Variants in DPEP2NB observed in about 807,000 individuals in gnomAD.
DPEP2NB encodes DPEP2 neighbor protein.
For synonymous variants in DPEP2NB, 35 were observed against 55.3 expected (o/e 0.63, Z 1.63); for missense variants, 117 against 151.8 (o/e 0.77, Z 1.21).
Position 68,013,935 on chromosome 16 carries a change from A to C in DPEP2NB, c.*173T>G. On this transcript the variant is annotated 3_prime_UTR_variant, in exon 2 of 2. Coordinates refer to ENST00000574912, the MANE Select transcript of DPEP2NB (RefSeq NM_001282442.2). The stretch of plus-strand genomic sequence containing the variant: ...AAAGCAACCTCTCATTTTAAACCAC[A>C]GTTTCTGAGGCTCCTTGGCCATGGG... The C allele has an allele frequency of 2.2e-6, 1 of 463,478 alleles. No individual in the cohort carries two copies. Among genetic ancestry groups the C allele is most frequent in the Non-Finnish European group, 3.5e-6 (1 of 286,606 alleles). 28.7% of individuals were successfully genotyped at this position (463,478 alleles called of 1,614,324 possible). A position where few individuals can be genotyped will look rare whatever the true frequency, so the allele number is the denominator to read the frequency against.
Position 68,014,263 on chromosome 16 carries a change from T to A in DPEP2NB, c.217A>T (p.Thr73Ser). The A allele has an allele frequency of 8.1e-7, 1 of 1,231,738 alleles. No homozygotes were observed. The highest frequency in any genetic ancestry group is 1.0e-6 in the Non-Finnish European group (1 of 988,004). 76.3% of individuals were successfully genotyped at this position (1,231,738 alleles called of 1,614,324 possible). Residue 73 changes from threonine (T) to serine (S), a missense_variant, in exon 2 of 2, where the codon ACA becomes TCA. Thr to Ser is a moderately conservative substitution (Grantham distance 58). Transcript: ENST00000574912. ...VHGDAPLATP[T>S]KAEAEKPAPR... ...GCTGGCTTCTCTGCTTCAGCCTTTG[T>A]TGGGGTGGCCAAAGGAGCATCCCCA...
chr16:68,013,804 A>G lies in DPEP2NB; in HGVS notation c.*304T>C. On this transcript the variant is annotated 3_prime_UTR_variant, in exon 2 of 2. Transcript: ENST00000574912. ...CCTCTCTGCACTTGACTCCTCGGCT[A>G]GCAGAGTGCAGACTATTTCTATCTT... The G allele has an allele frequency of 4.0e-6, 1 of 251,464 alleles. No individual in the cohort carries two copies. The highest frequency in any genetic ancestry group is 2.2e-5 in the African/African-American group (1 of 45,248). 15.6% of individuals were successfully genotyped at this position (251,464 alleles called of 1,614,324 possible).
Position 68,015,788 on chromosome 16 carries a change from A to G in DPEP2NB, c.-18T>C, listed in dbSNP as rs2033166349. On this transcript the variant is annotated 5_prime_UTR_variant, in exon 1 of 2. Transcript: ENST00000574912. The stretch of plus-strand genomic sequence containing the variant: ...TCAGTCATTCTCTCTCAGCCAACCA[A>G]ACAGATTGGTATCTTACAGAGAAAT... 2.5e-6 allele frequency: 3 copies of G among 1,212,732 alleles called. No individual in the cohort carries two copies. In the South Asian group the frequency reaches 1.3e-4, roughly 51 times the overall value. 75.1% of individuals were successfully genotyped at this position (1,212,732 alleles called of 1,614,324 possible).
chr16:68,014,014 A>G lies in DPEP2NB; in HGVS notation c.*94T>C. On this transcript the variant is annotated 3_prime_UTR_variant, in exon 2 of 2. Coordinates refer to ENST00000574912, the MANE Select transcript of DPEP2NB (RefSeq NM_001282442.2). ...GAGGAAGGCATAGGCAGAATGACTC[A>G]GGCTCTATCTGCAGTGGTGGGCAGG... is the stretch of plus-strand genomic sequence containing the variant. The G allele has an allele frequency of 1.0e-6, 1 of 986,146 alleles. No homozygotes were observed. The highest frequency in any genetic ancestry group is 1.3e-6 in the Non-Finnish European group (1 of 764,364). The allele number at this position is 986,146 out of a possible 1,614,324, so 61.1% of individuals were successfully genotyped here.
chr16:68,014,001 G>A lies in DPEP2NB; in HGVS notation c.*107C>T, dbSNP rs2033149932. On this transcript the variant is annotated 3_prime_UTR_variant, in exon 2 of 2. Coordinates refer to ENST00000574912, the MANE Select transcript of DPEP2NB (RefSeq NM_001282442.2). Reference sequence around the variant, plus strand: ...GGGGCTTCTGGATGAGGAAGGCATAGGCAGAATGACTCAGGCTCTATCTGC... The same window carrying A: ...GGGGCTTCTGGATGAGGAAGGCATAAGCAGAATGACTCAGGCTCTATCTGC... The A allele has an allele frequency of 1.1e-6, 1 of 877,744 alleles. No homozygotes were observed. The highest frequency in any genetic ancestry group is 1.5e-6 in the Non-Finnish European group (1 of 665,358). The allele number at this position is 877,744 out of a possible 1,614,324, so 54.4% of individuals were successfully genotyped here.
intron 1 of DPEP2NB, among the ~76,000 whole-genome samples, chr16:68,015,499 C>T (rs1189808352): frequency 1.3e-5 from 2 of 150,824 alleles, no homozygotes; most frequent in Non-Finnish European, 3.0e-5. Flanking sequence ...TTCTGAGCAC[C>T]TGCTCAGATG....
In DPEP2NB at chr16:68,013,889, G is replaced by T. The variant is rs766197059; in HGVS notation, c.*219C>A. 10 of 392,354 alleles carry T rather than the reference G, an allele frequency of 2.5e-5. No individual in the cohort carries two copies. Among genetic ancestry groups the T allele is most frequent in the Non-Finnish European group, 3.6e-5 (8 of 223,944 alleles). The allele number at this position is 392,354 out of a possible 1,614,324, so 24.3% of individuals were successfully genotyped here. A position where few individuals can be genotyped will look rare whatever the true frequency, so the allele number is the denominator to read the frequency against. On this transcript the variant is annotated 3_prime_UTR_variant, in exon 2 of 2. Coordinates refer to ENST00000574912, the MANE Select transcript of DPEP2NB (RefSeq NM_001282442.2). Reference sequence around the variant, plus strand: ...GGAACATCAGGTTTTCTTCCAGGCCGTCTTCAGCCTTGGGATGTTCAAAGC... The same window carrying T: ...GGAACATCAGGTTTTCTTCCAGGCCTTCTTCAGCCTTGGGATGTTCAAAGC...
At chr16:68,015,455 TAAAAAAAAAAAA>T (rs1220965509) in intron 1 of DPEP2NB, among the ~76,000 whole-genome samples, 27 of 80,494 alleles carry the variant, frequency 3.4e-4, no homozygotes, top group Non-Finnish European at 4.6e-4. Context: ...CCATCTCAAT[TAAAAAAAAAAAA>T]AAAAAAAAAA....
In DPEP2NB at chr16:68,014,335, C is replaced by G; in HGVS notation, c.145G>C (p.Gly49Arg). 1 of 1,231,816 alleles carries G rather than the reference C, an allele frequency of 8.1e-7. No individual in the cohort carries two copies. Among genetic ancestry groups the G allele is most frequent in the South Asian group, 4.1e-5 (1 of 24,322 alleles). The allele number at this position is 1,231,816 out of a possible 1,614,324, so 76.3% of individuals were successfully genotyped here. The change falls in exon 2 of 2, where the codon GGC becomes CGC. Residue 49 changes from glycine to arginine, a missense_variant. By Grantham distance (125) the Gly-to-Arg change is moderately radical. Coordinates refer to ENST00000574912, the MANE Select transcript of DPEP2NB (RefSeq NM_001282442.2). Reference protein sequence around the residue: ...LYRGCGETQVGWHGETYCLVG... With the variant: ...LYRGCGETQVRWHGETYCLVG... ...AGGCAGTACGTCTCCCCATGCCAGC[C>G]TACCTGAGTTTCTCCACACCCTCGG...
Position 68,014,361 on chromosome 16 carries a change from T to C in DPEP2NB, c.119A>G (p.Tyr40Cys), listed in dbSNP as rs2033153124. 2 of 1,231,636 alleles carry C rather than the reference T, an allele frequency of 1.6e-6. No individual in the cohort carries two copies. Among genetic ancestry groups the C allele is most frequent in the East Asian group, 6.3e-5 (2 of 31,724 alleles). 76.3% of individuals were successfully genotyped at this position (1,231,636 alleles called of 1,614,324 possible). The stretch of plus-strand genomic sequence containing the variant: ...TACCTGAGTTTCTCCACACCCTCGG[T>C]AGAGAACATGGTAGTGCCCAGGTGT... ...PPTPGHYHVL[Y>C]RGCGETQVGW... The change falls in exon 2 of 2, where the codon TAC becomes TGC. Residue 40 changes from tyrosine (Y) to cysteine (C), a missense_variant. Physicochemically the swap from Tyr to Cys is radical, Grantham distance 194 (BLOSUM62 -2). Coordinates refer to ENST00000574912, the MANE Select transcript of DPEP2NB (RefSeq NM_001282442.2).
Position 68,015,697 on chromosome 16 carries a change from T to G in DPEP2NB, c.67+7A>C. ...GCCTCCTGTATAGATGCCCCCTGTA[T>G]GCCTACCTGCTGCGCTGCCCTCCCA... On this transcript the variant is annotated splice_region_variant and intron_variant, in intron 1 of 1. Coordinates refer to ENST00000574912, the MANE Select transcript of DPEP2NB (RefSeq NM_001282442.2). The G allele has an allele frequency of 1.6e-6, 2 of 1,229,900 alleles. No homozygotes were observed. Among genetic ancestry groups the G allele is most frequent in the Non-Finnish European group, 2.0e-6 (2 of 986,362 alleles). 76.2% of individuals were successfully genotyped at this position (1,229,900 alleles called of 1,614,324 possible). A position where few individuals can be genotyped will look rare whatever the true frequency, so the allele number is the denominator to read the frequency against.
intron 1 of DPEP2NB, 145 bp from the exon 2 acceptor site, chr16:68,014,557 G>A: frequency 2.2e-6 from 1 of 464,782 alleles, no homozygotes; most frequent in Non-Finnish European, 3.5e-6. Context: ...ATGTGTCCCT[G>A]AGACAGGATG....
intron 1 of DPEP2NB, among the ~76,000 whole-genome samples, chr16:68,015,172 G>T (rs895698623): frequency 6.6e-6 from 1 of 151,636 alleles, no homozygotes; most frequent in Non-Finnish European, 1.5e-5. Flanking sequence ...TGGGCCGATC[G>T]CTTGAGCTCA....
Position 68,015,872 on chromosome 16 carries a change from A to C in DPEP2NB, c.-102T>G. ...GTCACGCTGCCATGGAAACTTTGGA[A>C]GCTTGTGAGGTCATCACTACCCTGT... On this transcript the variant is annotated 5_prime_UTR_variant, in exon 1 of 2. Coordinates refer to ENST00000574912, the MANE Select transcript of DPEP2NB (RefSeq NM_001282442.2). 2 of 543,166 alleles carry C rather than the reference A, an allele frequency of 3.7e-6. No homozygotes were observed. The highest frequency in any genetic ancestry group is 5.6e-6 in the Non-Finnish European group (2 of 359,646). 33.6% of individuals were successfully genotyped at this position (543,166 alleles called of 1,614,324 possible).
chr16:68,014,370 T>C lies in DPEP2NB; in HGVS notation c.110A>G (p.His37Arg), dbSNP rs2033153254. 1 of 1,231,832 alleles carries C rather than the reference T, an allele frequency of 8.1e-7. No homozygotes were observed. The highest frequency in any genetic ancestry group is 1.0e-6 in the Non-Finnish European group (1 of 988,046). The allele number at this position is 1,231,832 out of a possible 1,614,324, so 76.3% of individuals were successfully genotyped here. The change falls in exon 2 of 2, where the codon CAT becomes CGT. Residue 37 changes from histidine to arginine, a missense_variant. Physicochemically the swap from His to Arg is conservative, Grantham distance 29. Coordinates refer to ENST00000574912, the MANE Select transcript of DPEP2NB (RefSeq NM_001282442.2). ...ATSPPTPGHY[H>R]VLYRGCGETQ... ...TTCTCCACACCCTCGGTAGAGAACA[T>C]GGTAGTGCCCAGGTGTGGGAGGAGA...
At position 68,015,846 on chromosome 16, in the gene DPEP2NB, A is replaced by G. The variant is rs908688457; in HGVS notation, c.-76T>C. ...AGGCTTCTCTAGGACGCAGGTGTGTAGTCACGCTGCCATGGAAACTTTGGA... is the reference window on the plus strand; with the variant it reads ...AGGCTTCTCTAGGACGCAGGTGTGTGGTCACGCTGCCATGGAAACTTTGGA... On this transcript the variant is annotated 5_prime_UTR_variant, in exon 1 of 2. Coordinates refer to ENST00000574912, the MANE Select transcript of DPEP2NB (RefSeq NM_001282442.2). The G allele has an allele frequency of 8.1e-6, 6 of 744,828 alleles. No individual in the cohort carries two copies. The highest frequency in any genetic ancestry group is 9.2e-6 in the Non-Finnish European group (5 of 543,554). 46.1% of individuals were successfully genotyped at this position (744,828 alleles called of 1,614,324 possible).
chr16:68,014,415 G>A lies in DPEP2NB; in HGVS notation c.68-3C>T. The A allele has an allele frequency of 8.1e-7, 1 of 1,231,712 alleles. No homozygotes were observed. The highest frequency in any genetic ancestry group is 1.0e-6 in the Non-Finnish European group (1 of 987,954). 76.3% of individuals were successfully genotyped at this position (1,231,712 alleles called of 1,614,324 possible). A position where few individuals can be genotyped will look rare whatever the true frequency, so the allele number is the denominator to read the frequency against. ...AGGAGAAGTGGCAGGCACTGCAGCTGGAAAGAAAACCAGAATTAGTCACTT... is the reference window on the plus strand; with the variant it reads ...AGGAGAAGTGGCAGGCACTGCAGCTAGAAAGAAAACCAGAATTAGTCACTT... On this transcript the variant is annotated splice_region_variant and splice_polypyrimidine_tract_variant and intron_variant, in intron 1 of 1. Coordinates refer to ENST00000574912, the MANE Select transcript of DPEP2NB (RefSeq NM_001282442.2).
chr16:68,014,019 C>T lies in DPEP2NB; in HGVS notation c.*89G>A. 1.9e-6 allele frequency: 2 copies of T among 1,037,142 alleles called. No homozygotes were observed. Among genetic ancestry groups the T allele is most frequent in the Non-Finnish European group, 1.2e-6 (1 of 810,826 alleles). 64.2% of individuals were successfully genotyped at this position (1,037,142 alleles called of 1,614,324 possible). On this transcript the variant is annotated 3_prime_UTR_variant, in exon 2 of 2. Transcript: ENST00000574912. ...AGGCATAGGCAGAATGACTCAGGCT[C>T]TATCTGCAGTGGTGGGCAGGGGAGG...
In DPEP2NB at chr16:68,013,548, T is replaced by G. The variant is rs1350506369; in HGVS notation, c.*560A>C. The G allele has an allele frequency of 6.6e-6, 1 of 152,202 alleles. No homozygotes were observed. The highest frequency in any genetic ancestry group is 2.4e-5 in the African/African-American group (1 of 41,408). The allele number at this position is 152,202 out of a possible 1,614,324, so 9.4% of individuals were successfully genotyped here. The stretch of plus-strand genomic sequence containing the variant: ...CATGTGAGCTTCAGGGGGATGTTGC[T>G]CAACTTCCTCCTTATTGTTCTTGCT... On this transcript the variant is annotated 3_prime_UTR_variant, in exon 2 of 2. Coordinates refer to ENST00000574912, the MANE Select transcript of DPEP2NB (RefSeq NM_001282442.2).
Sources: gnomAD v4.1 joint callset for allele counts (sites outside exome capture counted in the v4.1 genomes callset) on GRCh38, gnomAD v4.1.1 for gene constraint, MANE v1.5 for transcripts, NCBI Gene and HGNC (gene_info 2026-07-23, HGNC 2026-07-21) for gene names.